The following MTMR10 variants were observed in gnomAD, a reference collection of about 807,000 sequenced individuals.
The protein encoded by MTMR10 is myotubularin related protein 10, also known as myotubularin-related protein 10.
MTMR10 carries 56 observed loss-of-function variants against 88.1 expected under a neutral mutation model. The observed-to-expected ratio is 0.64, with a 90% CI of 0.51 to 0.79. MTMR10 has a LOEUF of 0.79. Ranked by LOEUF, MTMR10 falls within the 30% of genes least tolerant of loss-of-function variation. The pLI, the probability that MTMR10 is intolerant of heterozygous loss-of-function variation, is 0.00. For synonymous variants in MTMR10, 380 were observed against 340.9 expected, an observed-to-expected ratio of 1.11 and a Z score of -1.26; for missense variants, 883 against 924.7, an observed-to-expected ratio of 0.95 and a Z score of 0.58.
intron 5 of MTMR10, among the ~76,000 whole-genome samples, chr15:30,973,609 T>A (rs1200023839): frequency 6.6e-6 from 1 of 152,106 alleles, no homozygotes; most frequent in Non-Finnish European, 1.5e-5. Flanking sequence ...CCTATTCCCA[T>A]ACACACGCGC....
intron 6 of MTMR10, chr15:30,966,165 G>T: frequency 2.9e-6 from 1 of 341,172 alleles, no homozygotes; most frequent in Non-Finnish European, 6.0e-6. Flanking sequence ...ATATAAAAAA[G>T]CATCCCTGAA....
chr15:30,945,556 G>GTA (rs2063157840), intron 14 of MTMR10, among the ~76,000 whole-genome samples: 1 of 152,130 alleles, frequency 6.6e-6, no homozygotes, highest in Non-Finnish European at 1.5e-5. Context: ...CACACTGTGT[G>GTA]CGCACGGGGT....
At chr15:30,938,936 C>T, downstream of MTMR10, 2 of 985,372 alleles carry the variant, frequency 2.0e-6, no homozygotes, top group Non-Finnish European at 2.4e-6. Flanking sequence ...ATACTGACAA[C>T]AACAAACAGT....
At chr15:30,958,038 G>C (rs1690510237) in intron 9 of MTMR10, among the ~76,000 whole-genome samples, 2 of 152,220 alleles carry the variant, frequency 1.3e-5, no homozygotes, top group Non-Finnish European at 1.5e-5. Flanking sequence ...CCCGGTTTCT[G>C]AGAGCAGGCT....
At chr15:30,919,133 C>T in the MTMR10 span, among the ~76,000 whole-genome samples, 26 of 152,148 alleles carry the variant, frequency 1.7e-4, no homozygotes, top group Non-Finnish European at 2.2e-4. Context: ...GTAATCCCGG[C>T]ACTTTGGGAG....
intron 6 of MTMR10, among the ~76,000 whole-genome samples, chr15:30,961,780 G>A (rs1264342986): frequency 6.6e-6 from 1 of 152,128 alleles, no homozygotes; most frequent in Non-Finnish European, 1.5e-5. Context: ...CTGCTGCCTA[G>A]ATTTCCTCTC....
intron 2 of MTMR10, among the ~76,000 whole-genome samples, chr15:30,980,888 G>C (rs995904405): frequency 5.8e-4 from 89 of 152,310 alleles, no homozygotes; most frequent in African/African-American, 2.1e-3. Flanking sequence ...AAGTATCTGT[G>C]AATCCATACT....
chr15:30,927,059 C>A, the MTMR10 span: 1 of 976,982 alleles, frequency 1.0e-6, no homozygotes, highest in Non-Finnish European at 1.2e-6. Context: ...CACTTGTAAT[C>A]CCAGCACTTG....
Position 30,941,684 on chromosome 15 carries a change from C to T in MTMR10, c.2120G>A (p.Cys707Tyr). The change falls in exon 16 of 16, where the codon TGC becomes TAC. Residue 707 changes from cysteine (C) to tyrosine (Y), a missense_variant. Transcript: ENST00000435680. ...CCTGCTCTGGCCCAGCTCCCCATAGCAGGCCTCCAGGGGGCCACTGCGCTG... is the reference window on the plus strand; with the variant it reads ...CCTGCTCTGGCCCAGCTCCCCATAGTAGGCCTCCAGGGGGCCACTGCGCTG... ...RQQRSGPLEA[C>Y]YGELGQSRMY... 6.2e-7 allele frequency: 1 copy of T among 1,613,650 alleles called. No individual in the cohort carries two copies. Among genetic ancestry groups the T allele is most frequent in the Non-Finnish European group, 8.5e-7 (1 of 1,179,732 alleles).
chr15:30,943,598 G>A (rs1427983754), intron 14 of MTMR10: 1 of 985,282 alleles, frequency 1.0e-6, no homozygotes, highest in African/African-American at 1.7e-5. Context: ...TAGGAAGGAA[G>A]GGATCAACTC....
chr15:30,928,335 A>G, the MTMR10 span: 11 of 1,299,108 alleles, frequency 8.5e-6, no homozygotes, highest in Admixed American at 7.5e-5. Flanking sequence ...TATGATTACT[A>G]AGATTTTTGC....
chr15:30,941,481 T>C lies in MTMR10; in HGVS notation c.2323A>G (p.Asn775Asp). ...GAAAACACCCTATTTTAGTCTTCAT[T>C]TGCTAATGTCTCAGTAGACAACCAT... is the stretch of plus-strand genomic sequence containing the variant. The part of the protein sequence containing the change: ...KIWLSTETLA[N>D]ED The change falls in exon 16 of 16, where the codon AAT becomes GAT. Residue 775 changes from asparagine to aspartate, a missense_variant. Physicochemically the swap from Asn to Asp is conservative, Grantham distance 23. Coordinates refer to ENST00000435680, the MANE Select transcript of MTMR10 (RefSeq NM_017762.3). 1 of 1,604,844 alleles carries C rather than the reference T, an allele frequency of 6.2e-7. No individual in the cohort carries two copies. The highest frequency in any genetic ancestry group is 1.1e-5 in the South Asian group (1 of 89,482).
At chr15:30,966,568 T>C (rs2063474486) in intron 6 of MTMR10, among the ~76,000 whole-genome samples, 1 of 152,204 alleles carries the variant, frequency 6.6e-6, no homozygotes, top group African/African-American at 2.4e-5. Flanking sequence ...AGGATCTTAT[T>C]GAAGATAACC....
intron 14 of MTMR10, chr15:30,946,783 G>C: frequency 1.4e-6 from 1 of 701,172 alleles, no homozygotes; most frequent in Non-Finnish European, 2.6e-6. Flanking sequence ...TACTGACCTA[G>C]GAAATAAATG....
rs906630050 is a variant in MTMR10 at position 30,939,594 on chromosome 15, T to C, written c.*1876A>G. 17 of 933,784 alleles carry C rather than the reference T, an allele frequency of 1.8e-5. No homozygotes were observed. The highest frequency in any genetic ancestry group is 2.2e-5 in the Non-Finnish European group (17 of 783,098). 57.8% of individuals were successfully genotyped at this position (933,784 alleles called of 1,614,324 possible). A position where few individuals can be genotyped will look rare whatever the true frequency, so the allele number is the denominator to read the frequency against. ...ATATGCATTTTTCTATTTTTAACCA[T>C]TATTAATAGTACCTAATATTTTTAA... is the stretch of plus-strand genomic sequence containing the variant. On this transcript the variant is annotated 3_prime_UTR_variant, in exon 16 of 16. Coordinates refer to ENST00000435680, the MANE Select transcript of MTMR10 (RefSeq NM_017762.3).
Position 30,939,351 on chromosome 15 carries a change from T to C in MTMR10, c.*2119A>G, listed in dbSNP as rs1037809979. On this transcript the variant is annotated 3_prime_UTR_variant, in exon 16 of 16. Transcript: ENST00000435680. ...GGGCTCTGCTGGCGGGCAGCAGGGG[T>C]GCTGAGCTCTCTCTAGTGCGCCCTG... 9 of 985,196 alleles carry C rather than the reference T, an allele frequency of 9.1e-6. No individual in the cohort carries two copies. The South Asian group carries it at 3.8e-4, about 41-fold the overall frequency. The allele number at this position is 985,196 out of a possible 1,614,324, so 61.0% of individuals were successfully genotyped here. A position where few individuals can be genotyped will look rare whatever the true frequency, so the allele number is the denominator to read the frequency against.
chr15:30,982,701 C>G (rs1212439783), intron 2 of MTMR10, among the ~76,000 whole-genome samples: 1 of 152,112 alleles, frequency 6.6e-6, no homozygotes, highest in Admixed American at 6.5e-5. Flanking sequence ...AATTAAGTGT[C>G]GAGTTAGTGA....
intron 5 of MTMR10, among the ~76,000 whole-genome samples, chr15:30,969,642 C>T (rs561564547): frequency 7.2e-5 from 11 of 152,248 alleles, no homozygotes; most frequent in Admixed American, 2.0e-4. Context: ...TACCTTCTAA[C>T]GATGTAATTC....
rs2140977094 is a variant in MTMR10, at chr15:30,938,983, C to CA, written c.*2486dup. On this transcript the variant is annotated 3_prime_UTR_variant, in exon 16 of 16. Coordinates refer to ENST00000435680, the MANE Select transcript of MTMR10 (RefSeq NM_017762.3). ...TTTATTAAGCCATCAAAATTTCCTT[C>CA]ACATTCAATACTGTTGAACAACAAG... The CA allele has an allele frequency of 1.0e-6, 1 of 985,326 alleles. No individual in the cohort carries two copies. 61.0% of individuals were successfully genotyped at this position (985,326 alleles called of 1,614,324 possible). A position where few individuals can be genotyped will look rare whatever the true frequency, so the allele number is the denominator to read the frequency against.
Sources: allele counts gnomAD v4.1 joint callset (sites outside exome capture counted in the v4.1 genomes callset), GRCh38; gene constraint gnomAD v4.1.1; transcripts MANE v1.5; gene names NCBI Gene and HGNC (gene_info 2026-07-23, HGNC 2026-07-21).